The following UBE2E3 variants were observed in gnomAD, a reference collection of about 807,000 sequenced individuals.
The protein encoded by UBE2E3 is ubiquitin-conjugating enzyme E2 E3.
Under a neutral mutation model 23.6 loss-of-function variants are expected in UBE2E3, and 5 were observed. The observed-to-expected ratio is 0.21, with a 90% CI of 0.11 to 0.44. UBE2E3 has a LOEUF of 0.44. Ranked by LOEUF, UBE2E3 falls within the 20% of genes least tolerant of loss-of-function variation. The probability of loss-of-function intolerance (pLI) is 0.99; values close to 1 mark genes in which losing one functional copy is unlikely to be tolerated. For synonymous variants in UBE2E3, 78 were observed against 87.5 expected, an observed-to-expected ratio of 0.89 and a Z score of 0.60; for missense variants, 81 against 249.8, an observed-to-expected ratio of 0.32 and a Z score of 4.55.
intron 3 of UBE2E3, among the ~76,000 whole-genome samples, chr2:180,998,285 G>A (rs1684891397): frequency 6.6e-6 from 1 of 152,080 alleles, no homozygotes; most frequent in Non-Finnish European, 1.5e-5. Context: ...TGGTGAATCA[G>A]GAGATTGTAT....
At chr2:181,004,728 A>T (rs1432476733) in intron 3 of UBE2E3, among the ~76,000 whole-genome samples, 2 of 152,248 alleles carry the variant, frequency 1.3e-5, no homozygotes, top group Non-Finnish European at 2.9e-5. Flanking sequence ...TCCTTTGCAC[A>T]TGCTTACAGC....
intron 3 of UBE2E3, among the ~76,000 whole-genome samples, 156 bp from the exon 4 acceptor site, chr2:181,057,537 T>A (rs947058981): frequency 6.6e-6 from 1 of 151,848 alleles, no homozygotes; most frequent in Non-Finnish European, 1.5e-5. Flanking sequence ...CATACACACA[T>A]GCACATGCAA....
At chr2:181,014,487 AT>A (rs1394295670) in intron 3 of UBE2E3, among the ~76,000 whole-genome samples, 2 of 152,186 alleles carry the variant, frequency 1.3e-5, no homozygotes, top group Non-Finnish European at 2.9e-5. Flanking sequence ...TTAATGATTG[AT>A]TAGGGAAGGC....
At chr2:181,015,619 T>C (rs951700674) in intron 3 of UBE2E3, among the ~76,000 whole-genome samples, 1 of 152,190 alleles carries the variant, frequency 6.6e-6, no homozygotes, top group African/African-American at 2.4e-5. Flanking sequence ...ATTTTTTACT[T>C]TAAATTTTTT....
intron 3 of UBE2E3, among the ~76,000 whole-genome samples, chr2:181,026,520 T>TTG (rs1005366145): frequency 6.6e-6 from 1 of 151,734 alleles, no homozygotes; most frequent in African/African-American, 2.4e-5. Flanking sequence ...AACTATTTTT[T>TTG]TTTTTTTTTA....
chr2:181,003,633 TA>T (rs145765818), intron 3 of UBE2E3, among the ~76,000 whole-genome samples: 2,737 of 152,316 alleles, frequency 0.018, 67 homozygotes, highest in African/African-American at 0.062. Flanking sequence ...TTGAATATTA[TA>T]AAACTTTATA....
intron 3 of UBE2E3, among the ~76,000 whole-genome samples, chr2:180,992,106 T>A (rs1445249252): frequency 6.6e-6 from 1 of 152,182 alleles, no homozygotes; most frequent in African/African-American, 2.4e-5. Context: ...GATTTTGGTT[T>A]CTCAGTTGTT....
chr2:181,040,049 T>G (rs1048526743), intron 3 of UBE2E3, among the ~76,000 whole-genome samples: 5 of 152,234 alleles, frequency 3.3e-5, no homozygotes, highest in Non-Finnish European at 5.9e-5. Flanking sequence ...GTATTTATAA[T>G]TTACCACATG....
At chr2:181,052,010 A>C (rs567227602) in intron 3 of UBE2E3, among the ~76,000 whole-genome samples, 1 of 151,852 alleles carries the variant, frequency 6.6e-6, no homozygotes, top group South Asian at 2.1e-4. Context: ...GTATTTCCAT[A>C]TAGTTTGGCA....
intron 3 of UBE2E3, among the ~76,000 whole-genome samples, chr2:181,002,585 AAAAC>A (rs1685021680): frequency 6.6e-6 from 1 of 152,244 alleles, no homozygotes; most frequent in Non-Finnish European, 1.5e-5. Flanking sequence ...ATTAGAATTT[AAAAC>A]AAAGGAAATG....
At chr2:181,022,828 T>G (rs1331312031) in intron 3 of UBE2E3, among the ~76,000 whole-genome samples, 1 of 152,158 alleles carries the variant, frequency 6.6e-6, no homozygotes, top group Admixed American at 6.6e-5. Flanking sequence ...ACTCAAATTT[T>G]TCTCCACTCT....
chr2:181,023,453 A>T (rs1421304239), intron 3 of UBE2E3, among the ~76,000 whole-genome samples: 1 of 152,206 alleles, frequency 6.6e-6, no homozygotes, highest in African/African-American at 2.4e-5. Flanking sequence ...AATACTTAAA[A>T]TTAATGCTTT....
At chr2:181,062,366 G>C (rs1010610911) in intron 5 of UBE2E3, among the ~76,000 whole-genome samples, 18 of 151,680 alleles carry the variant, frequency 1.2e-4, no homozygotes, top group Non-Finnish European at 1.3e-4. Context: ...ATCAGGCACA[G>C]AATGAAGGAA....
intron 3 of UBE2E3, among the ~76,000 whole-genome samples, chr2:181,048,353 A>C (rs973504969): frequency 6.6e-6 from 1 of 152,100 alleles, no homozygotes; most frequent in African/African-American, 2.4e-5. Flanking sequence ...TGAATGAATG[A>C]ATTTGTTTTC....
At chr2:181,060,860 G>A in intron 5 of UBE2E3, 48 bp downstream of exon 5, 3 of 327,144 alleles carry the variant, frequency 9.2e-6, no homozygotes, top group Non-Finnish European at 1.3e-5. Flanking sequence ...AAAAACGAGT[G>A]CTTTTTTTTT....
chr2:181,056,955 C>T (rs189043397), intron 3 of UBE2E3, among the ~76,000 whole-genome samples: 58 of 151,842 alleles, frequency 3.8e-4, no homozygotes, highest in African/African-American at 1.4e-3. Context: ...CAGACACCTA[C>T]TATTTCAGCC....
intron 3 of UBE2E3, among the ~76,000 whole-genome samples, chr2:181,032,367 A>T (rs1686110289): frequency 6.6e-6 from 1 of 152,180 alleles, no homozygotes; most frequent in African/African-American, 2.4e-5. Context: ...CTGATAAAAA[A>T]TATATATTAT....
At chr2:181,036,688 C>T (rs1051753626) in intron 3 of UBE2E3, among the ~76,000 whole-genome samples, 4 of 152,112 alleles carry the variant, frequency 2.6e-5, no homozygotes, top group Admixed American at 2.6e-4. Flanking sequence ...CTTCAGCCAC[C>T]CTCTACCCTG....
chr2:180,992,191 A>G (rs1291000658), intron 3 of UBE2E3, among the ~76,000 whole-genome samples: 1 of 152,084 alleles, frequency 6.6e-6, no homozygotes, highest in Non-Finnish European at 1.5e-5. Context: ...TGAAACTATC[A>G]GTGTCTACTC....
Sources: gnomAD v4.1 joint callset for allele counts (sites outside exome capture counted in the v4.1 genomes callset) on GRCh38, gnomAD v4.1.1 for gene constraint, MANE v1.5 for transcripts, NCBI Gene and HGNC (gene_info 2026-07-23, HGNC 2026-07-21) for gene names.